MYBPC1: variants seen among roughly 807,000 people sequenced by gnomAD.
MYBPC1 encodes myosin-binding protein C, slow-type.
A neutral mutation model predicts 147.1 loss-of-function variants in MYBPC1; 52 were observed. The observed-to-expected ratio is 0.35, with a 90% CI of 0.28 to 0.45. The LOEUF is 0.45. Among genes scored for constraint, MYBPC1 ranks in the 20% least tolerant of loss-of-function variants. The pLI is 1.00. For missense variants in MYBPC1, 1,228 were observed against 1,440.3 expected, an observed-to-expected ratio of 0.85 and a Z score of 2.39; for synonymous variants, 477 against 475.9, an observed-to-expected ratio of 1.00 and a Z score of -0.03.
Position 101,617,053 on chromosome 12 carries a change from A to G in MYBPC1, c.62-149A>G, listed in dbSNP as rs1247591391. ...GCTCTAAGTTATAATTTCTAAATTC[A>G]TAATTCATGTACAGCACGAGTATTC... On this transcript the variant is annotated intron_variant, in intron 2 of 31. Coordinates refer to ENST00000361466, the MANE Select transcript of MYBPC1 (RefSeq NM_002465.4). The G allele has an allele frequency of 1.0e-5, 7 of 684,250 alleles. No homozygotes were observed. The South Asian group carries it at 1.1e-4, about 11-fold the overall frequency. The allele number at this position is 684,250 out of a possible 1,614,324, so 42.4% of individuals were successfully genotyped here.
chr12:101,598,313 C>A (rs1878303888), intron 1 of MYBPC1, among the ~76,000 whole-genome samples: 1 of 152,140 alleles, frequency 6.6e-6, no homozygotes, highest in Admixed American at 6.5e-5. Flanking sequence ...AGCCACTGTG[C>A]CCGGCCAAGA....
chr12:101,611,393 A>G (rs1884227687), intron 1 of MYBPC1, among the ~76,000 whole-genome samples: 1 of 151,886 alleles, frequency 6.6e-6, no homozygotes, highest in South Asian at 2.1e-4. Context: ...TTACAGATTT[A>G]GTGCCCAAGA....
chr12:101,685,403 T>G (rs1031852453), intron 31 of MYBPC1, among the ~76,000 whole-genome samples, 179 bp from the exon 32 acceptor site: 4 of 152,218 alleles, frequency 2.6e-5, no homozygotes, highest in Non-Finnish European at 5.9e-5. Flanking sequence ...GCCAAGTGCT[T>G]TAAATTCTAA....
At chr12:101,656,086 A>G (rs757956503) in intron 18 of MYBPC1, among the ~76,000 whole-genome samples, 4 of 152,140 alleles carry the variant, frequency 2.6e-5, no homozygotes, top group Non-Finnish European at 5.9e-5. Context: ...TACATGCACT[A>G]CTTGTGAACC....
In MYBPC1 at chr12:101,646,832, A is replaced by T. The variant is rs199721498; in HGVS notation, c.1035A>T (p.Ser345=). The T allele has an allele frequency of 4.2e-5, 68 of 1,613,888 alleles. No homozygotes were observed. In the East Asian group the frequency reaches 1.5e-3, roughly 35 times the overall value. ...ATAACTGTCAGATGACAGATGATTC[A>T]GAGTATTATGTGACAGCCGGTGATG... ...FINNCQMTDD[S]EYYVTAGDEK... The change falls in exon 13 of 32, where the codon TCA becomes TCT. Residue 345 remains serine, a synonymous_variant. Coordinates refer to ENST00000361466, the MANE Select transcript of MYBPC1 (RefSeq NM_002465.4).
chr12:101,651,513 G>A lies in MYBPC1; in HGVS notation c.1526+120G>A, dbSNP rs902475133. 4 of 1,330,078 alleles carry A rather than the reference G, an allele frequency of 3.0e-6. No homozygotes were observed. In the African/African-American group the frequency reaches 5.8e-5, roughly 19 times the overall value. The allele number at this position is 1,330,078 out of a possible 1,614,324, so 82.4% of individuals were successfully genotyped here. On this transcript the variant is annotated intron_variant, in intron 16 of 31. Coordinates refer to ENST00000361466, the MANE Select transcript of MYBPC1 (RefSeq NM_002465.4). ...AGCCATAGGGAGATCATCTATTCCT[G>A]ATTCTTCGCTTCCAACTAGCAAGAA...
At chr12:101,695,797 A>T in the MYBPC1 span, among the ~76,000 whole-genome samples, 2 of 152,082 alleles carry the variant, frequency 1.3e-5, no homozygotes, top group East Asian at 3.9e-4. Flanking sequence ...CCAATTCTGT[A>T]CTTCTTTTAT....
intron 1 of MYBPC1, among the ~76,000 whole-genome samples, chr12:101,601,257 G>T (rs1879797359): frequency 6.6e-6 from 1 of 152,074 alleles, no homozygotes; most frequent in Admixed American, 6.5e-5. Flanking sequence ...TACAAAGACA[G>T]CCCCCCCAAA....
At chr12:101,624,418 T>C (rs530869632) in intron 3 of MYBPC1, among the ~76,000 whole-genome samples, 107 of 152,318 alleles carry the variant, frequency 7.0e-4, no homozygotes, top group African/African-American at 2.5e-3. Context: ...TTCCTGGGCA[T>C]GTATTTCCTG....
At chr12:101,676,676 G>A (rs1176926652) in intron 26 of MYBPC1, among the ~76,000 whole-genome samples, 4 of 152,038 alleles carry the variant, frequency 2.6e-5, no homozygotes, top group Non-Finnish European at 5.9e-5. Flanking sequence ...TATTGAGCCC[G>A]GGAGGTCAAG....
intron 30 of MYBPC1, 94 bp from the exon 31 acceptor site, chr12:101,684,288 A>G (rs1301408890): frequency 2.1e-6 from 2 of 962,242 alleles, no homozygotes; most frequent in African/African-American, 3.2e-5. Flanking sequence ...CATAATCATG[A>G]CCATAATTTC....
At chr12:101,629,247 C>A in intron 5 of MYBPC1, 187 bp from the exon 6 acceptor site, 1 of 628,896 alleles carries the variant, frequency 1.6e-6, no homozygotes, top group Non-Finnish European at 2.9e-6. Context: ...AAGAGATACC[C>A]CTGTAAGAAT....
chr12:101,644,512 G>C, intron 11 of MYBPC1, 152 bp from the exon 12 acceptor site: 1 of 700,054 alleles, frequency 1.4e-6, no homozygotes, highest in East Asian at 2.8e-5. Context: ...CACAGTGTTC[G>C]AAATATAAAG....
chr12:101,636,580 T>C (rs1891023886), intron 9 of MYBPC1, 92 bp from the exon 10 acceptor site: 1 of 1,020,166 alleles, frequency 9.8e-7, no homozygotes, highest in Admixed American at 1.8e-5. Context: ...TGGCACAAAA[T>C]TGCATATACG....
chr12:101,615,873 T>A (rs1885899534), intron 2 of MYBPC1, among the ~76,000 whole-genome samples: 1 of 151,934 alleles, frequency 6.6e-6, no homozygotes. Context: ...CTGGAGATCG[T>A]TTTTCTTTTT....
intron 1 of MYBPC1, among the ~76,000 whole-genome samples, chr12:101,606,763 A>G (rs1330799801): frequency 6.6e-6 from 1 of 152,202 alleles, no homozygotes. Flanking sequence ...TCTCTGCTAC[A>G]TAAGCAATTT....
chr12:101,596,155 G>C (rs1877158014), intron 1 of MYBPC1, among the ~76,000 whole-genome samples: 1 of 152,140 alleles, frequency 6.6e-6, no homozygotes, highest in Non-Finnish European at 1.5e-5. Context: ...TGAAAAAGAT[G>C]TTGAAATACT....
chr12:101,692,056 C>T, the MYBPC1 span, among the ~76,000 whole-genome samples: 1 of 152,038 alleles, frequency 6.6e-6, no homozygotes, highest in Non-Finnish European at 1.5e-5. Context: ...AATAAGGGAT[C>T]GAGGGTACTC....
At chr12:101,642,680 C>G in intron 11 of MYBPC1, 95 bp downstream of exon 11, 1 of 1,426,966 alleles carries the variant, frequency 7.0e-7, no homozygotes, top group Non-Finnish European at 9.6e-7. Context: ...TCCAGTCTCC[C>G]GCGGGGTTGG....
Sources: allele counts gnomAD v4.1 joint callset (sites outside exome capture counted in the v4.1 genomes callset), GRCh38; gene constraint gnomAD v4.1.1; transcripts MANE v1.5; gene names NCBI Gene and HGNC (gene_info 2026-07-23, HGNC 2026-07-21).